The following NELL1 variants were observed in gnomAD, a reference collection of about 807,000 sequenced individuals.
NELL1 encodes neural EGFL like 1, also known as protein kinase C-binding protein NELL1.
NELL1 carries 76 observed loss-of-function variants against 107.4 expected under a neutral mutation model. The ratio of observed to expected loss-of-function variants is 0.71; its 90% CI spans 0.59 to 0.86. The LOEUF is 0.86. Ranked by LOEUF, NELL1 falls within the 40% of genes least tolerant of loss-of-function variation. The pLI, the probability that NELL1 is intolerant of heterozygous loss-of-function variation, is 0.00. For missense variants in NELL1, 1,024 were observed against 1,005.5 expected, an observed-to-expected ratio of 1.02 and a Z score of -0.25; for synonymous variants, 353 against 341.2, an observed-to-expected ratio of 1.03 and a Z score of -0.38.
chr11:20,811,895 A>G (rs1379119126), intron 3 of NELL1, among the ~76,000 whole-genome samples: 1 of 151,932 alleles, frequency 6.6e-6, no homozygotes, highest in East Asian at 1.9e-4. Flanking sequence ...GGACAATTTA[A>G]TTTTCTCTGT....
At chr11:21,377,077 C>G (rs1399910342) in intron 15 of NELL1, among the ~76,000 whole-genome samples, 4 of 152,026 alleles carry the variant, frequency 2.6e-5, no homozygotes, top group African/African-American at 9.7e-5. Context: ...ACCTCCAATA[C>G]TATGTTGAAT....
At chr11:21,346,676 A>C (rs1182519021) in intron 14 of NELL1, among the ~76,000 whole-genome samples, 1 of 148,302 alleles carries the variant, frequency 6.7e-6, no homozygotes, top group Non-Finnish European at 1.5e-5. Flanking sequence ...ATCAAATTAA[A>C]TATATAATAT....
At chr11:21,043,070 G>A (rs1393118485) in intron 12 of NELL1, among the ~76,000 whole-genome samples, 2 of 152,196 alleles carry the variant, frequency 1.3e-5, no homozygotes, top group Admixed American at 1.3e-4. Context: ...TGGAAAAGGG[G>A]GCATGGCTAT....
At chr11:20,709,402 A>G (rs959721202) in intron 2 of NELL1, among the ~76,000 whole-genome samples, 3 of 151,996 alleles carry the variant, frequency 2.0e-5, no homozygotes, top group Non-Finnish European at 2.9e-5. Context: ...GGTCTATGTG[A>G]CTATTTTTAT....
At position 20,947,283 on chromosome 11, in the gene NELL1, C is replaced by T. The variant is rs537101360; in HGVS notation, c.1072-53C>T. On this transcript the variant is annotated intron_variant, in intron 10 of 19. Transcript: ENST00000357134. ...TAACAAAGAACATTATAAGTTTGTTCCATTGACTAAAAATGTGAACATCTT... is the reference window on the plus strand; with the variant it reads ...TAACAAAGAACATTATAAGTTTGTTTCATTGACTAAAAATGTGAACATCTT... 491 of 1,179,968 alleles carry T rather than the reference C, an allele frequency of 4.2e-4. 9 individuals carry two copies. In the South Asian group the frequency reaches 5.8e-3, roughly 14 times the overall value. The allele number at this position is 1,179,968 out of a possible 1,614,324, so 73.1% of individuals were successfully genotyped here.
In NELL1 at chr11:21,138,310, TA is replaced by T. The variant is rs550192111; in HGVS notation, c.1426+24597del. 2.8e-4 allele frequency among the ~76,000 whole-genome samples: 43 copies of T among 152,330 alleles called. No individual in the cohort carries two copies. In the East Asian group the frequency reaches 6.9e-3, roughly 25 times the overall value. On this transcript the variant is annotated intron_variant, in intron 13 of 19. Transcript: ENST00000357134. ...ATGTGAAGTTCCATCATTACCCACC[TA>T]CTAGATATGATGACACTCATAATGA... is the stretch of plus-strand genomic sequence containing the variant.
intron 15 of NELL1, among the ~76,000 whole-genome samples, chr11:21,477,978 T>C (rs1308679118): frequency 6.6e-6 from 1 of 151,780 alleles, no homozygotes; most frequent in Non-Finnish European, 1.5e-5. Flanking sequence ...AAAATGCATC[T>C]GTATTAGTCC....
intron 13 of NELL1, among the ~76,000 whole-genome samples, chr11:21,189,260 G>A (rs1856999451): frequency 6.6e-6 from 1 of 151,794 alleles, no homozygotes; most frequent in African/African-American, 2.4e-5. Flanking sequence ...TTAATGTACT[G>A]GCATAAGTCT....
chr11:20,792,881 A>C (rs1017440242), intron 3 of NELL1, among the ~76,000 whole-genome samples: 1 of 151,992 alleles, frequency 6.6e-6, no homozygotes, highest in Non-Finnish European at 1.5e-5. Flanking sequence ...ATACATTAAT[A>C]AGTGAGATGC....
At chr11:20,675,232 CAA>C (rs143703401) in intron 1 of NELL1, among the ~76,000 whole-genome samples, 288 of 152,272 alleles carry the variant, frequency 1.9e-3, no homozygotes, top group African/African-American at 6.6e-3. Context: ...GCCTCAAAAT[CAA>C]GAGATGGGGA....
chr11:20,711,941 A>G (rs761299111), intron 2 of NELL1, among the ~76,000 whole-genome samples: 4 of 152,124 alleles, frequency 2.6e-5, no homozygotes, highest in African/African-American at 4.8e-5. Flanking sequence ...TAAGATGCCT[A>G]GATCTAGATG....
intron 2 of NELL1, among the ~76,000 whole-genome samples, chr11:20,779,757 C>T (rs1856819029): frequency 6.6e-6 from 1 of 152,214 alleles, no homozygotes; most frequent in Non-Finnish European, 1.5e-5. Flanking sequence ...TTTTGCTATG[C>T]AGCTATGAGC....
Position 20,690,681 on chromosome 11 carries a change from C to T in NELL1, c.184+12621C>T, listed in dbSNP as rs973895894. 4.0e-3 allele frequency among the ~76,000 whole-genome samples: 604 copies of T among 151,622 alleles called. 5 individuals are homozygous for T. The highest frequency in any genetic ancestry group is 0.013 in the African/African-American group (557 of 41,306). On this transcript the variant is annotated intron_variant, in intron 2 of 19. Transcript: ENST00000357134. Reference sequence around the variant, plus strand: ...ACCAGTACCATGCTGTTTTGGTTACCGTAGCCTTGTAGCATAGTTTGAAGT... The same window carrying T: ...ACCAGTACCATGCTGTTTTGGTTACTGTAGCCTTGTAGCATAGTTTGAAGT...
intron 1 of NELL1, among the ~76,000 whole-genome samples, chr11:20,672,738 G>A (rs1391276753): frequency 6.6e-6 from 1 of 152,140 alleles, no homozygotes; most frequent in Non-Finnish European, 1.5e-5. Context: ...TTCCCACATT[G>A]CTTTCCAGTT....
intron 14 of NELL1, among the ~76,000 whole-genome samples, chr11:21,323,626 A>G (rs113783582): frequency 2.0e-5 from 3 of 152,234 alleles, no homozygotes; most frequent in Non-Finnish European, 2.9e-5. Context: ...CTCTTCATCT[A>G]GCTCTTAACT....
chr11:21,143,666 C>T (rs193101591), intron 13 of NELL1, among the ~76,000 whole-genome samples: 1 of 152,302 alleles, frequency 6.6e-6, no homozygotes, highest in East Asian at 1.9e-4. Context: ...TGAGCCCTAA[C>T]TCACTGGAAT....
chr11:21,385,255 C>T (rs79877521), intron 15 of NELL1, among the ~76,000 whole-genome samples: 2,741 of 151,830 alleles, frequency 0.018, 41 homozygotes, highest in East Asian at 0.067. Context: ...ATTATATTTC[C>T]GGAGACCAGG....
At position 21,337,817 on chromosome 11, in the gene NELL1, CTTCTTTCTTTCTTTCTTTCTT is replaced by C. The variant is rs1465576183; in HGVS notation, c.1550-33013_1550-32993del. 4.7e-3 allele frequency among the ~76,000 whole-genome samples: 152 copies of C among 32,364 alleles called. 3 individuals carry two copies. The East Asian group carries it at 0.086, about 18-fold the overall frequency. 21.2% of individuals were successfully genotyped at this position (32,364 alleles called of 152,430 possible). On this transcript the variant is annotated intron_variant, in intron 14 of 19. Coordinates refer to ENST00000357134, the MANE Select transcript of NELL1 (RefSeq NM_006157.5). ...CTTTCCTTCTTTCTTTCTTGCTTTC[CTTCTTTCTTTCTTTCTTTCTT>C]TTCTTTCTTTCTTTCTTTCTTTCTT...
intron 12 of NELL1, among the ~76,000 whole-genome samples, chr11:21,064,533 C>A (rs911076957): frequency 1.3e-5 from 2 of 152,092 alleles, no homozygotes; most frequent in Non-Finnish European, 2.9e-5. Context: ...TACTGGATGT[C>A]TTCTAGGCTA....
Sources: gnomAD v4.1 joint callset for allele counts (sites outside exome capture counted in the v4.1 genomes callset) on GRCh38, gnomAD v4.1.1 for gene constraint, MANE v1.5 for transcripts, NCBI Gene and HGNC (gene_info 2026-07-23, HGNC 2026-07-21) for gene names.